Variants in TENM4 observed in about 807,000 individuals in gnomAD.
TENM4 encodes teneurin-4.
Under a neutral mutation model 243.3 loss-of-function variants are expected in TENM4, and 82 were observed. The observed-to-expected ratio is 0.34, with a 90% confidence interval of 0.28 to 0.40. The LOEUF is 0.40. Among genes scored for constraint, TENM4 ranks in the 10% least tolerant of loss-of-function variants. The pLI is 1.00. For missense variants in TENM4, 3,138 were observed against 3,673.3 expected (o/e 0.85, Z 3.77); for synonymous variants, 1,412 against 1,456.3 (o/e 0.97, Z 0.69).
chr11:78,827,471 C>CTATTTATT (rs55871470), intron 12 of TENM4, among the ~76,000 whole-genome samples: 45,963 of 145,914 alleles, frequency 0.32, 7,624 homozygotes, highest in African/African-American at 0.35. Context: ...CCTTCAAAGC[C>CTATTTATT]TATTTATTTA....
intron 4 of TENM4, among the ~76,000 whole-genome samples, chr11:79,144,586 T>C (rs549107361): frequency 6.6e-6 from 1 of 152,016 alleles, no homozygotes; most frequent in African/African-American, 2.4e-5. Flanking sequence ...CACAATGGAG[T>C]AATATTCAGC....
rs535921968 is a variant in TENM4, at chr11:79,311,072, CA to C, written c.-320-13530del. ...CTAATACTAACGATTCAAATAGCAG[CA>C]AGATGGGACAAGACGGGTCTTGGCG... On this transcript the variant is annotated intron_variant, in intron 1 of 33. Transcript: ENST00000278550. Among the ~76,000 whole-genome samples, 36 of 152,262 alleles carry C rather than the reference CA, an allele frequency of 2.4e-4. No individual in the cohort carries two copies. The East Asian group carries it at 6.6e-3, about 28-fold the overall frequency.
chr11:78,669,503 T>C lies in TENM4; in HGVS notation c.6842A>G (p.Tyr2281Cys). Residue 2281 changes from tyrosine to cysteine, a missense_variant, in exon 32 of 34, where the codon TAC becomes TGC. By Grantham distance (194) the Tyr-to-Cys change is radical. This residue lies in a region of TENM4 where 2,467 missense variants were observed against 3,059.1 expected (regional missense o/e 0.81). Coordinates refer to ENST00000278550, the MANE Select transcript of TENM4 (RefSeq NM_001098816.3). The surrounding 1 kb of genome is among the most constrained non-coding windows in gnomAD (Gnocchi z 6.4). Reference protein sequence around the residue: ...YNSAGLLIKAYNRAGSWSVRY... With the variant: ...YNSAGLLIKACNRAGSWSVRY... ...GACACTCCAGCTGCCAGCCCGGTTG[T>C]AGGCCTTGATGAGCAGGCCAGCTGA... 6.2e-7 allele frequency: 1 copy of C among 1,613,932 alleles called. No individual in the cohort carries two copies. Among genetic ancestry groups the C allele is most frequent in the South Asian group, 1.1e-5 (1 of 91,076 alleles).
At chr11:78,787,438 G>A (rs556646342) in intron 15 of TENM4, among the ~76,000 whole-genome samples, 31 of 152,258 alleles carry the variant, frequency 2.0e-4, no homozygotes, top group Non-Finnish European at 3.7e-4. Flanking sequence ...AAAGGGGACC[G>A]GCATTCTGAA....
intron 14 of TENM4, among the ~76,000 whole-genome samples, chr11:78,808,197 T>C (rs577469313): frequency 1.3e-5 from 2 of 152,330 alleles, no homozygotes; most frequent in East Asian, 3.9e-4. Flanking sequence ...ACTTTACAAA[T>C]GGCAATATTC....
chr11:78,699,201 A>G (rs1026645847), intron 28 of TENM4, among the ~76,000 whole-genome samples: 3 of 152,212 alleles, frequency 2.0e-5, no homozygotes, highest in African/African-American at 4.8e-5. Context: ...TCAGACACTG[A>G]GCTTTCCATA....
chr11:78,830,983 C>T (rs541552983), intron 12 of TENM4, among the ~76,000 whole-genome samples: 66 of 152,318 alleles, frequency 4.3e-4, no homozygotes, highest in South Asian at 1.0e-3. Context: ...GTGCTAGGCA[C>T]TGTGATAAAC....
chr11:79,392,039 A>G (rs1308953720), intron 1 of TENM4, among the ~76,000 whole-genome samples: 1 of 152,244 alleles, frequency 6.6e-6, no homozygotes, highest in Admixed American at 6.5e-5. Context: ...ATTACAGAAA[A>G]CATTTACTTA....
intron 1 of TENM4, among the ~76,000 whole-genome samples, chr11:79,348,023 C>A (rs1340531140): frequency 6.6e-6 from 1 of 152,076 alleles, no homozygotes; most frequent in African/African-American, 2.4e-5. Context: ...TCATGATCCA[C>A]CCGCCTCGGC....
intron 15 of TENM4, among the ~76,000 whole-genome samples, chr11:78,787,779 T>C (rs901414512): frequency 4.6e-5 from 7 of 152,194 alleles, no homozygotes; most frequent in Non-Finnish European, 8.8e-5. Flanking sequence ...AGCAAATGGT[T>C]TGGAGGGGGG....
At chr11:78,847,896 C>T (rs771057396) in intron 12 of TENM4, among the ~76,000 whole-genome samples, 4 of 152,096 alleles carry the variant, frequency 2.6e-5, no homozygotes, top group Non-Finnish European at 2.9e-5. Context: ...TTTTTCTCTC[C>T]GGATCTTTGC....
intron 3 of TENM4, among the ~76,000 whole-genome samples, chr11:79,181,764 A>C (rs575052457): frequency 1.8e-4 from 28 of 152,236 alleles, no homozygotes; most frequent in African/African-American, 6.7e-4. Flanking sequence ...TGCAGGATAC[A>C]AAGTTAACAT....
At chr11:78,685,577 A>G (rs1204221269) in intron 29 of TENM4, among the ~76,000 whole-genome samples, 1 of 152,262 alleles carries the variant, frequency 6.6e-6, no homozygotes, top group Non-Finnish European at 1.5e-5. Context: ...CTAAAAAGTT[A>G]TTAAATTGAT....
chr11:78,753,887 AT>A (rs1471295948), intron 19 of TENM4, among the ~76,000 whole-genome samples: 3 of 152,252 alleles, frequency 2.0e-5, no homozygotes, highest in Non-Finnish European at 4.4e-5. Context: ...TATATAAACA[AT>A]GATCTGCAAA....
chr11:79,401,468 C>G (rs1565331203), intron 1 of TENM4, among the ~76,000 whole-genome samples: 1 of 152,136 alleles, frequency 6.6e-6, no homozygotes, highest in South Asian at 2.1e-4. Context: ...AAATGGAGAC[C>G]TGTCAATCAT....
At chr11:78,667,056 G>A (rs1299952045) in intron 32 of TENM4, among the ~76,000 whole-genome samples, 1 of 152,146 alleles carries the variant, frequency 6.6e-6, no homozygotes, top group Non-Finnish European at 1.5e-5. Context: ...GGCAGGGGGT[G>A]TGCTTAATGC....
intron 1 of TENM4, among the ~76,000 whole-genome samples, chr11:79,367,734 T>G (rs1857703934): frequency 6.6e-6 from 1 of 152,164 alleles, no homozygotes; most frequent in South Asian, 2.1e-4. Flanking sequence ...CTCAAATTAT[T>G]GGAAGAAAAG....
chr11:78,760,520 A>C (rs1175337170), intron 18 of TENM4, among the ~76,000 whole-genome samples: 1 of 152,206 alleles, frequency 6.6e-6, no homozygotes, highest in African/African-American at 2.4e-5. Context: ...CTTCCCTTGG[A>C]TGTCTTGTGA....
chr11:79,085,927 A>G (rs1565197585), intron 4 of TENM4, among the ~76,000 whole-genome samples: 1 of 152,178 alleles, frequency 6.6e-6, no homozygotes, highest in African/African-American at 2.4e-5. Context: ...TGACCGACCA[A>G]TTCTTAAACA....
Sources: allele counts gnomAD v4.1 joint callset (sites outside exome capture counted in the v4.1 genomes callset), GRCh38; gene constraint gnomAD v4.1.1; regional missense constraint gnomAD v4.1.1; non-coding constraint Gnocchi (gnomAD v3.1); transcripts MANE v1.5; gene names NCBI Gene and HGNC (gene_info 2026-07-23, HGNC 2026-07-21).